MGST1: variants seen among roughly 807,000 people sequenced by gnomAD.
MGST1 encodes the protein glutathione S-transferase 12.
MGST1 carries 5 observed loss-of-function variants against 8.9 expected under a neutral mutation model. The ratio of observed to expected loss-of-function variants is 0.56; its 90% CI spans 0.29 to 1.19. The LOEUF (loss-of-function observed/expected upper bound fraction) is 1.19. Ranked by LOEUF, MGST1 falls within the 50% of genes most tolerant of loss-of-function variation. The pLI, the probability that MGST1 is intolerant of heterozygous loss-of-function variation, is 0.08. For missense variants in MGST1, 182 were observed against 187.4 expected (o/e 0.97, Z 0.17); for synonymous variants, 54 against 67.8 (o/e 0.80, Z 1.00).
chr12:16,371,849 T>A (rs1035376865), intron 3 of MGST1, among the ~76,000 whole-genome samples: 3 of 152,054 alleles, frequency 2.0e-5, no homozygotes, highest in African/African-American at 7.2e-5. Flanking sequence ...CATAGATCAA[T>A]GGGACAGAAT....
chr12:16,554,541 G>C (rs1001659376), intron 4 of MGST1, among the ~76,000 whole-genome samples: 2 of 152,004 alleles, frequency 1.3e-5, no homozygotes, highest in African/African-American at 4.8e-5. Context: ...TGACAGTCCG[G>C]TTGTCATTAT....
chr12:16,405,187 C>T (rs1340724225), intron 1 of MGST1, among the ~76,000 whole-genome samples: 1 of 151,920 alleles, frequency 6.6e-6, no homozygotes, highest in Non-Finnish European at 1.5e-5. Context: ...TCGAGCTGAA[C>T]CAAAAGAGAT....
chr12:16,530,603 T>C (rs143941454), intron 4 of MGST1, among the ~76,000 whole-genome samples: 31 of 151,834 alleles, frequency 2.0e-4, no homozygotes, highest in African/African-American at 7.3e-4. Flanking sequence ...ATGGAGGGGG[T>C]GAAGGCATGG....
Position 16,413,930 on chromosome 12 carries a change from C to T in MGST1, n.779-23458C>T, listed in dbSNP as rs1414300304. Among the ~76,000 whole-genome samples, 8 of 151,996 alleles carry T rather than the reference C, an allele frequency of 5.3e-5. No individual in the cohort carries two copies. The highest frequency in any genetic ancestry group is 4.6e-4 in the Admixed American group (7 of 15,268). ...ATGTATATTATTTTCTTCTTACAAA[C>T]ATAATATTAAGGCTTACTTTCTGCA... On this transcript the variant is annotated intron_variant and non_coding_transcript_variant, in intron 1 of 1. Coordinates refer to the MGST1 transcript ENST00000359720. This position sits in a 1 kb window ranked among gnomAD's most constrained non-coding sequence, Gnocchi z 4.0.
intron 4 of MGST1, among the ~76,000 whole-genome samples, chr12:16,561,569 T>A (rs1942406140): frequency 6.6e-6 from 1 of 152,236 alleles, no homozygotes; most frequent in Admixed American, 6.5e-5. Flanking sequence ...ATTTTGGTTA[T>A]AAAAATGTAC....
At chr12:16,509,875 G>T (rs964404441) in intron 4 of MGST1, among the ~76,000 whole-genome samples, 1 of 152,092 alleles carries the variant, frequency 6.6e-6, no homozygotes, top group Non-Finnish European at 1.5e-5. Context: ...AAACCTGGTC[G>T]CAAGGAGACA....
Position 16,513,933 on chromosome 12 carries a change from C to G in MGST1, n.483-75595C>G, listed in dbSNP as rs1941594154. 1.8e-6 allele frequency: 1 copy of G among 548,164 alleles called. No homozygotes were observed. The highest frequency in any genetic ancestry group is 3.5e-6 in the Non-Finnish European group (1 of 284,426). 34.0% of individuals were successfully genotyped at this position (548,164 alleles called of 1,614,324 possible). On this transcript the variant is annotated intron_variant and non_coding_transcript_variant, in intron 4 of 4. Coordinates refer to the MGST1 transcript ENST00000538857. The surrounding 1 kb of genome is among the most constrained non-coding windows in gnomAD (Gnocchi z 4.2). ...TACAAGGTTATCGATACTATGACCG[C>G]AAGACTTGCGGTTTTGACTTCACAG...
chr12:16,401,153 T>G lies in MGST1; in HGVS notation n.778+17549T>G, dbSNP rs950100537. ...AGGAAAATACCCACATTCTTCACTT[T>G]CTTCTTCACAGAAGTGAGAACAGTA... On this transcript the variant is annotated intron_variant and non_coding_transcript_variant, in intron 1 of 1. Transcript: ENST00000359720. This position sits in a 1 kb window ranked among gnomAD's most constrained non-coding sequence, Gnocchi z 4.3. The G allele has an allele frequency of 6.4e-7, 1 of 1,562,734 alleles. No individual in the cohort carries two copies. The highest frequency in any genetic ancestry group is 1.4e-5 in the African/African-American group (1 of 73,886).
chr12:16,524,739 C>G (rs924528397), intron 4 of MGST1, among the ~76,000 whole-genome samples: 7 of 152,030 alleles, frequency 4.6e-5, no homozygotes, highest in African/African-American at 1.7e-4. Flanking sequence ...ACTTATTGTA[C>G]AAACCCATCT....
In MGST1 at chr12:16,413,441, T is replaced by G. The variant is rs1283234697; in HGVS notation, n.779-23947T>G. ...CATTGTGAACAGAACACTCAATTTTTAATGGTACAGGCATTTTATGACCCC... is the reference window on the plus strand; with the variant it reads ...CATTGTGAACAGAACACTCAATTTTGAATGGTACAGGCATTTTATGACCCC... On this transcript the variant is annotated intron_variant and non_coding_transcript_variant, in intron 1 of 1. Coordinates refer to the MGST1 transcript ENST00000359720. This position sits in a 1 kb window ranked among gnomAD's most constrained non-coding sequence, Gnocchi z 4.0. Among the ~76,000 whole-genome samples the G allele has an allele frequency of 6.6e-6, 1 of 152,236 alleles. No individual in the cohort carries two copies. The highest frequency in any genetic ancestry group is 1.5e-5 in the Non-Finnish European group (1 of 68,034).
downstream of MGST1, among the ~76,000 whole-genome samples, chr12:16,439,130 G>A (rs1428166707): frequency 3.3e-5 from 5 of 149,624 alleles, no homozygotes; most frequent in African/African-American, 1.2e-4. Flanking sequence ...AAAAAAGCCA[G>A]ATAGAAAACT....
chr12:16,417,866 A>C (rs1009924645), intron 1 of MGST1, among the ~76,000 whole-genome samples: 1 of 152,216 alleles, frequency 6.6e-6, no homozygotes, highest in African/African-American at 2.4e-5. Context: ...TATTGGCTTT[A>C]AAATACAAAA....
At chr12:16,398,169 A>C (rs552670549) in intron 1 of MGST1, among the ~76,000 whole-genome samples, 2 of 152,016 alleles carry the variant, frequency 1.3e-5, no homozygotes, top group East Asian at 3.9e-4. Flanking sequence ...ACTGCTAAGG[A>C]GAAAAAACAA....
At chr12:16,394,945 A>T (rs9804808) in intron 1 of MGST1, among the ~76,000 whole-genome samples, 25,535 of 151,790 alleles carry the variant, frequency 0.17, 2,486 homozygotes, top group East Asian at 0.43. Flanking sequence ...TATACTGAAA[A>T]CTAGCCCCTA....
At chr12:16,480,384 GC>G (rs1941356705) in intron 4 of MGST1, among the ~76,000 whole-genome samples, 1 of 151,842 alleles carries the variant, frequency 6.6e-6, no homozygotes, top group African/African-American at 2.4e-5. Context: ...CTTGTGATCT[GC>G]CCATCTCAAT....
intron 1 of MGST1, among the ~76,000 whole-genome samples, chr12:16,387,759 C>G (rs1324806120): frequency 6.6e-6 from 1 of 152,144 alleles, no homozygotes; most frequent in African/African-American, 2.4e-5. Flanking sequence ...ATCTCCTGAC[C>G]TCATGATCTG....
intron 4 of MGST1, among the ~76,000 whole-genome samples, chr12:16,578,474 C>T (rs1943061098): frequency 6.6e-6 from 1 of 152,100 alleles, no homozygotes; most frequent in Admixed American, 6.6e-5. Context: ...CTCAGGCTGG[C>T]CCATGCTCAG....
At chr12:16,459,415 A>G (rs1489689499) in intron 4 of MGST1, among the ~76,000 whole-genome samples, 1 of 152,080 alleles carries the variant, frequency 6.6e-6, no homozygotes, top group Non-Finnish European at 1.5e-5. Context: ...AATATTTATT[A>G]CCCTAGTTAG....
At chr12:16,507,737 A>T (rs1941548458) in intron 4 of MGST1, among the ~76,000 whole-genome samples, 1 of 152,082 alleles carries the variant, frequency 6.6e-6, no homozygotes, top group South Asian at 2.1e-4. Flanking sequence ...TACACTTTCA[A>T]ACAACCAGAT....
Sources: gnomAD v4.1 joint callset for allele counts (sites outside exome capture counted in the v4.1 genomes callset) on GRCh38, gnomAD v4.1.1 for gene constraint, Gnocchi (gnomAD v3.1) non-coding constraint, MANE v1.5 for transcripts, NCBI Gene and HGNC (gene_info 2026-07-23, HGNC 2026-07-21) for gene names.